Variants in MACROD2 observed in about 807,000 individuals in gnomAD.
The protein encoded by MACROD2 is mono-ADP ribosylhydrolase 2, also known as ADP-ribose glycohydrolase MACROD2.
A neutral mutation model predicts 70.4 loss-of-function variants in MACROD2; 36 were observed. That is an observed-to-expected ratio of 0.51 (90% CI 0.39 to 0.68). The LOEUF is 0.68. Among genes scored for constraint, MACROD2 ranks in the 30% least tolerant of loss-of-function variants. MACROD2 has a pLI of 0.00. For missense variants in MACROD2, 496 were observed against 538.4 expected, an observed-to-expected ratio of 0.92 and a Z score of 0.78; for synonymous variants, 172 against 178.8, an observed-to-expected ratio of 0.96 and a Z score of 0.30.
At chr20:15,973,477 T>C (rs1476834350) in intron 13 of MACROD2, among the ~76,000 whole-genome samples, 1 of 152,040 alleles carries the variant, frequency 6.6e-6, no homozygotes, top group African/African-American at 2.4e-5. Flanking sequence ...ACAAATAGAA[T>C]TAAATAATAA....
intron 4 of MACROD2, among the ~76,000 whole-genome samples, chr20:14,494,318 C>T (rs1459344106): frequency 6.6e-6 from 1 of 152,002 alleles, no homozygotes. Context: ...ACAGTTGAAA[C>T]AGATAGGATT....
intron 7 of MACROD2, among the ~76,000 whole-genome samples, chr20:15,478,920 C>T (rs1172644059): frequency 6.6e-6 from 1 of 152,156 alleles, no homozygotes; most frequent in Non-Finnish European, 1.5e-5. Context: ...GACCAATCTG[C>T]AATCTAAGAC....
chr20:15,872,280 C>G (rs969600557), intron 9 of MACROD2, among the ~76,000 whole-genome samples: 2 of 152,162 alleles, frequency 1.3e-5, no homozygotes, highest in African/African-American at 4.8e-5. Flanking sequence ...ATGAAGCACA[C>G]AGTGTCATGA....
chr20:15,257,183 A>G (rs918081268), intron 6 of MACROD2, among the ~76,000 whole-genome samples: 1 of 152,040 alleles, frequency 6.6e-6, no homozygotes, highest in African/African-American at 2.4e-5. Context: ...CTTTCTTACA[A>G]TATACATACC....
chr20:14,607,009 A>G (rs1445942864), intron 4 of MACROD2, among the ~76,000 whole-genome samples: 1 of 152,200 alleles, frequency 6.6e-6, no homozygotes, highest in Non-Finnish European at 1.5e-5. Context: ...AGGCACAGAT[A>G]GTCTTACACC....
intron 8 of MACROD2, among the ~76,000 whole-genome samples, chr20:15,607,840 A>G (rs926551854): frequency 4.6e-5 from 7 of 152,260 alleles, no homozygotes; most frequent in African/African-American, 1.7e-4. Context: ...GGCTGCAATA[A>G]AGATGTTTCT....
At chr20:14,876,932 C>T (rs2073557839) in intron 5 of MACROD2, among the ~76,000 whole-genome samples, 1 of 152,052 alleles carries the variant, frequency 6.6e-6, no homozygotes. Context: ...CTTAGGATTG[C>T]TTTGGCTATT....
At chr20:14,351,541 T>G (rs549260581) in intron 3 of MACROD2, among the ~76,000 whole-genome samples, 1 of 152,308 alleles carries the variant, frequency 6.6e-6, no homozygotes, top group East Asian at 1.9e-4. Flanking sequence ...TCTTTTCAGG[T>G]TGTTCATTGT....
chr20:14,537,148 G>A (rs966831662), intron 4 of MACROD2, among the ~76,000 whole-genome samples: 1 of 152,110 alleles, frequency 6.6e-6, no homozygotes, highest in African/African-American at 2.4e-5. Flanking sequence ...TACTTCATTG[G>A]TGAAGAAAGC....
At chr20:15,001,975 A>C (rs1318859210) in intron 5 of MACROD2, among the ~76,000 whole-genome samples, 1 of 151,412 alleles carries the variant, frequency 6.6e-6, no homozygotes, top group Non-Finnish European at 1.5e-5. Flanking sequence ...ACACACACAT[A>C]TACACACACA....
chr20:15,259,003 G>A (rs1568674100), intron 6 of MACROD2, among the ~76,000 whole-genome samples: 5 of 151,998 alleles, frequency 3.3e-5, no homozygotes, highest in African/African-American at 7.2e-5. Flanking sequence ...TTTAGTCTCT[G>A]TTGAATAAAA....
intron 5 of MACROD2, among the ~76,000 whole-genome samples, chr20:15,156,709 G>A (rs1214632594): frequency 1.3e-5 from 2 of 152,152 alleles, no homozygotes; most frequent in Admixed American, 6.6e-5. Flanking sequence ...GTGCCTGGGG[G>A]AGAGAATGGG....
chr20:14,347,146 A>G (rs1395403461), intron 3 of MACROD2, among the ~76,000 whole-genome samples: 1 of 152,220 alleles, frequency 6.6e-6, no homozygotes, highest in Non-Finnish European at 1.5e-5. Flanking sequence ...GATAGTAAGG[A>G]GAGAATCAGA....
intron 3 of MACROD2, among the ~76,000 whole-genome samples, chr20:14,224,669 C>T (rs560061254): frequency 6.6e-6 from 1 of 152,290 alleles, no homozygotes; most frequent in Non-Finnish European, 1.5e-5. Flanking sequence ...GTTTAGAGGT[C>T]ATTTATTGTG....
chr20:15,753,392 T>C (rs554097939), intron 8 of MACROD2, among the ~76,000 whole-genome samples: 11 of 152,320 alleles, frequency 7.2e-5, no homozygotes, highest in Admixed American at 7.2e-4. Context: ...CCTGTGTTAA[T>C]TCACTTAGTA....
At chr20:15,157,246 T>C (rs1257002064) in intron 5 of MACROD2, among the ~76,000 whole-genome samples, 1 of 152,012 alleles carries the variant, frequency 6.6e-6, no homozygotes, top group East Asian at 1.9e-4. Flanking sequence ...CTTCTCTTTG[T>C]GCACTCACAA....
At chr20:15,102,832 T>A (rs1266634085) in intron 5 of MACROD2, among the ~76,000 whole-genome samples, 1 of 151,968 alleles carries the variant, frequency 6.6e-6, no homozygotes, top group Non-Finnish European at 1.5e-5. Context: ...TATCCCCATA[T>A]AATAGACAGC....
intron 3 of MACROD2, among the ~76,000 whole-genome samples, chr20:14,342,350 CT>C (rs533602052): frequency 1.1e-3 from 169 of 152,120 alleles, no homozygotes; most frequent in African/African-American, 3.7e-3. Context: ...TTCTCTTTGT[CT>C]TTTTTTTCTT....
At chr20:15,963,237 AG>A (rs11479629) in intron 12 of MACROD2, among the ~76,000 whole-genome samples, 17,727 of 152,152 alleles carry the variant, frequency 0.12, 1,232 homozygotes, top group South Asian at 0.26. Context: ...CGCATTACAG[AG>A]AAAGACTATT....
Sources: allele counts gnomAD v4.1 joint callset (sites outside exome capture counted in the v4.1 genomes callset), GRCh38; gene constraint gnomAD v4.1.1; transcripts MANE v1.5; gene names NCBI Gene and HGNC (gene_info 2026-07-23, HGNC 2026-07-21).